The following RUNX1 variants were observed in gnomAD, a reference collection of about 807,000 sequenced individuals.
The protein encoded by RUNX1 is runt-related transcription factor 1.
RUNX1 carries 19 observed loss-of-function variants against 42.8 expected under a neutral mutation model. That is an observed-to-expected ratio of 0.44 (90% CI 0.31 to 0.65). The LOEUF (loss-of-function observed/expected upper bound fraction) is 0.65, where lower values mean the gene tolerates loss of function less well. Ranked by LOEUF, RUNX1 falls within the 30% of genes least tolerant of loss-of-function variation. RUNX1 has a pLI of 0.07. For missense variants in RUNX1, 528 were observed against 672.0 expected, an observed-to-expected ratio of 0.79 and a Z score of 2.37; for synonymous variants, 271 against 289.4, an observed-to-expected ratio of 0.94 and a Z score of 0.64.
chr21:34,861,675 A>C (rs1263198512), intron 5 of RUNX1, among the ~76,000 whole-genome samples: 1 of 152,084 alleles, frequency 6.6e-6, no homozygotes, highest in Non-Finnish European at 1.5e-5. Context: ...TGGCATTGAG[A>C]TGCTGAGGTC....
chr21:34,929,714 A>G (rs897331066), intron 2 of RUNX1, among the ~76,000 whole-genome samples: 4 of 152,314 alleles, frequency 2.6e-5, no homozygotes, highest in South Asian at 4.1e-4. Context: ...TTAAGAGATG[A>G]GGCTAAGAAC....
chr21:34,930,297 AAT>A lies in RUNX1; in HGVS notation c.59-37336_59-37335del, dbSNP rs1555906457. 8.4e-5 allele frequency among the ~76,000 whole-genome samples: 11 copies of A among 131,036 alleles called. No individual in the cohort carries two copies. In the East Asian group the frequency reaches 1.8e-3, roughly 22 times the overall value. 86.0% of individuals were successfully genotyped at this position (131,036 alleles called of 152,430 possible). On this transcript the variant is annotated intron_variant, in intron 2 of 8. Transcript: ENST00000675419. ...ATATATATATATATATATATAAATAAATAAATAAAATTTTACAACTAACATTA... is the reference window on the plus strand; with the variant it reads ...ATATATATATATATATATATAAATAAAAATAAAATTTTACAACTAACATTA...
intron 7 of RUNX1, chr21:34,821,533 C>T: frequency 6.6e-7 from 1 of 1,521,178 alleles, no homozygotes; most frequent in South Asian, 1.2e-5. Flanking sequence ...GAATTACAGA[C>T]CCACATTCTG....
chr21:34,898,892 G>A (rs571011637), intron 2 of RUNX1, among the ~76,000 whole-genome samples: 1 of 152,252 alleles, frequency 6.6e-6, no homozygotes, highest in East Asian at 1.9e-4. Context: ...CAGAGTTGGA[G>A]GATCCAGTAT....
intron 2 of RUNX1, among the ~76,000 whole-genome samples, chr21:34,999,737 G>C (rs1876307457): frequency 6.6e-6 from 1 of 152,204 alleles, no homozygotes; most frequent in Admixed American, 6.5e-5. Flanking sequence ...GAAAATGAGT[G>C]GAAGACCTGG....
At chr21:34,906,809 A>T (rs928864121) in intron 2 of RUNX1, among the ~76,000 whole-genome samples, 1 of 152,230 alleles carries the variant, frequency 6.6e-6, no homozygotes, top group Non-Finnish European at 1.5e-5. Flanking sequence ...CAAGGAAAGG[A>T]ACTGCTTTAG....
chr21:34,976,685 G>C (rs930189114), intron 2 of RUNX1, among the ~76,000 whole-genome samples: 2 of 152,192 alleles, frequency 1.3e-5, no homozygotes, highest in African/African-American at 4.8e-5. Flanking sequence ...TGAAAGATTT[G>C]ATTCAAAAAT....
At position 34,876,306 on chromosome 21, in the gene RUNX1, G is replaced by A. The variant is rs1458635955; in HGVS notation, c.508+4251C>T. Among the ~76,000 whole-genome samples, 6 of 152,274 alleles carry A rather than the reference G, an allele frequency of 3.9e-5. No individual in the cohort carries two copies. In the East Asian group the frequency reaches 5.8e-4, roughly 15 times the overall value. ...TTCTTAATTAGACAAACCAGACCCC[G>A]GCGATAACAAAAACACAGGTGTTAC... On this transcript the variant is annotated intron_variant, in intron 5 of 8. Coordinates refer to ENST00000675419, the MANE Select transcript of RUNX1 (RefSeq NM_001754.5).
At chr21:34,886,648 A>G (rs571410703) in intron 4 of RUNX1, among the ~76,000 whole-genome samples, 195 bp downstream of exon 4, 1 of 152,342 alleles carries the variant, frequency 6.6e-6, no homozygotes, top group African/African-American at 2.4e-5. Context: ...CGCCCCAGAA[A>G]GCTGAGACGA....
Position 34,928,459 on chromosome 21 carries a change from C to T in RUNX1, c.59-35496G>A, listed in dbSNP as rs1014740916. On this transcript the variant is annotated intron_variant, in intron 2 of 8. Coordinates refer to ENST00000675419, the MANE Select transcript of RUNX1 (RefSeq NM_001754.5). ...CTGTAATACAAGCACTTTGGGAGGCCGAGGTGGATGGATCACTTTAAGTCA... is the reference window on the plus strand; with the variant it reads ...CTGTAATACAAGCACTTTGGGAGGCTGAGGTGGATGGATCACTTTAAGTCA... Among the ~76,000 whole-genome samples the T allele has an allele frequency of 7.9e-5, 12 of 152,112 alleles. No individual in the cohort carries two copies. The East Asian group carries it at 1.9e-3, about 24-fold the overall frequency.
At chr21:34,985,743 C>T (rs2058881133) in intron 2 of RUNX1, among the ~76,000 whole-genome samples, 1 of 151,906 alleles carries the variant, frequency 6.6e-6, no homozygotes, top group Non-Finnish European at 1.5e-5. Flanking sequence ...ATTTTATTAT[C>T]CTATATTATA....
At position 34,852,174 on chromosome 21, in the gene RUNX1, CAAA is replaced by C. The variant is rs1270224453; in HGVS notation, c.613+7297_613+7299del. ...AAGAGCAAGACTCTGTCTCAAAAAA[CAAA>C]ACAAAACAAAACAAAACAAAACAAC... On this transcript the variant is annotated intron_variant, in intron 6 of 8. Transcript: ENST00000675419. 2.8e-5 allele frequency among the ~76,000 whole-genome samples: 3 copies of C among 107,544 alleles called. No individual in the cohort carries two copies. The East Asian group carries it at 1.8e-3, about 65-fold the overall frequency. 70.6% of individuals were successfully genotyped at this position (107,544 alleles called of 152,430 possible).
intron 2 of RUNX1, among the ~76,000 whole-genome samples, chr21:34,988,408 G>T (rs2058908332): frequency 6.6e-6 from 1 of 152,198 alleles, no homozygotes; most frequent in South Asian, 2.1e-4. Context: ...AAGGACCAGG[G>T]CGGTGCAGAT....
intron 2 of RUNX1, among the ~76,000 whole-genome samples, chr21:35,042,593 C>T (rs2059367039): frequency 6.6e-6 from 1 of 152,224 alleles, no homozygotes; most frequent in Non-Finnish European, 1.5e-5. Context: ...GAAGGGCTTC[C>T]CTTCCTGAAT....
chr21:34,915,059 C>T (rs1175280937), intron 2 of RUNX1, among the ~76,000 whole-genome samples: 2 of 152,168 alleles, frequency 1.3e-5, no homozygotes, highest in East Asian at 1.9e-4. Context: ...TCCTCCTTTA[C>T]AGCACCGTTA....
At chr21:34,923,558 TG>T (rs2058370537) in intron 2 of RUNX1, among the ~76,000 whole-genome samples, 1 of 152,212 alleles carries the variant, frequency 6.6e-6, no homozygotes. Flanking sequence ...ATAACCTAGT[TG>T]TTGACCTAGT....
intron 2 of RUNX1, among the ~76,000 whole-genome samples, chr21:34,983,275 A>C (rs1238587081): frequency 6.6e-6 from 1 of 152,238 alleles, no homozygotes; most frequent in African/African-American, 2.4e-5. Flanking sequence ...GCGCTAAGCT[A>C]AACTACTGAA....
At chr21:34,953,799 C>T (rs1291497047) in intron 2 of RUNX1, among the ~76,000 whole-genome samples, 1 of 152,130 alleles carries the variant, frequency 6.6e-6, no homozygotes, top group Non-Finnish European at 1.5e-5. Context: ...CTAATGAAAA[C>T]ATAAACTCAG....
intron 3 of RUNX1, among the ~76,000 whole-genome samples, chr21:34,892,612 G>T (rs1207717864): frequency 6.6e-6 from 1 of 152,188 alleles, no homozygotes; most frequent in Non-Finnish European, 1.5e-5. Flanking sequence ...AATAAGCTGG[G>T]CTGTGAGGGA....
Sources: allele counts gnomAD v4.1 joint callset (sites outside exome capture counted in the v4.1 genomes callset), GRCh38; gene constraint gnomAD v4.1.1; transcripts MANE v1.5; gene names NCBI Gene and HGNC (gene_info 2026-07-23, HGNC 2026-07-21).